CYB561A3: variants seen among roughly 807,000 people sequenced by gnomAD.
CYB561A3 encodes the protein lysosomal membrane ascorbate-dependent ferrireductase CYB561A3.
CYB561A3 carries 16 observed loss-of-function variants against 25.3 expected under a neutral mutation model. The observed-to-expected ratio is 0.63, with a 90% CI of 0.43 to 0.96. The LOEUF is 0.96. CYB561A3 is among the 40% of genes least tolerant of loss of function. CYB561A3 has a pLI of 0.00. For synonymous variants in CYB561A3, 131 were observed against 129.9 expected, an observed-to-expected ratio of 1.01 and a Z score of -0.06; for missense variants, 219 against 307.5, an observed-to-expected ratio of 0.71 and a Z score of 2.15.
rs1442481331 is a variant in CYB561A3, at chr11:61,356,720, C to T, written c.-7G>A. 1.9e-6 allele frequency: 3 copies of T among 1,613,778 alleles called. No homozygotes were observed. Among genetic ancestry groups the T allele is most frequent in the South Asian group, 2.2e-5 (2 of 91,042 alleles). ...AGAACCGTCCAGACACCATTCTGATCACGCACTCCTAGAAGAAGGAGAAGT... is the reference window on the plus strand; with the variant it reads ...AGAACCGTCCAGACACCATTCTGATTACGCACTCCTAGAAGAAGGAGAAGT... On this transcript the variant is annotated 5_prime_UTR_variant, in exon 3 of 7. Coordinates refer to ENST00000294072, the MANE Select transcript of CYB561A3 (RefSeq NM_153611.6).
At chr11:61,357,324 G>T in intron 2 of CYB561A3, 1 of 1,224,132 alleles carries the variant, frequency 8.2e-7, no homozygotes, top group Non-Finnish European at 1.1e-6. Flanking sequence ...TGAACCAGCT[G>T]ATGCCCCTCA....
At chr11:61,361,253 G>C (rs1857865233) in intron 1 of CYB561A3, 1 of 152,152 alleles carries the variant, frequency 6.6e-6, no homozygotes, top group Non-Finnish European at 1.5e-5. Context: ...CAGGAATTCG[G>C]GTCCACTCCC....
intron 3 of CYB561A3, chr11:61,354,802 C>T (rs187362470): frequency 1.3e-5 from 2 of 151,824 alleles, no homozygotes; most frequent in East Asian, 1.9e-4. Context: ...AACACAGGTA[C>T]TAAGGTCAGG....
chr11:61,351,352 C>T (rs528855043), intron 5 of CYB561A3: 13 of 450,822 alleles, frequency 2.9e-5, no homozygotes, highest in Admixed American at 2.4e-4. Flanking sequence ...TGCAGTGGCA[C>T]GATCTCGGCT....
upstream of CYB561A3, chr11:61,362,064 G>C (rs1470429863): frequency 6.6e-6 from 1 of 152,324 alleles, no homozygotes; most frequent in Admixed American, 6.5e-5. Flanking sequence ...CAGGGTCCAG[G>C]ACTGCTGCGA....
chr11:61,352,496 C>T (rs972062906), intron 5 of CYB561A3: 11 of 167,322 alleles, frequency 6.6e-5, no homozygotes, highest in Admixed American at 2.2e-4. Flanking sequence ...CCCGTCCCTA[C>T]TAAAAATTCA....
intron 1 of CYB561A3, chr11:61,360,183 G>C (rs1180286342): frequency 6.6e-6 from 1 of 152,118 alleles, no homozygotes; most frequent in Non-Finnish European, 1.5e-5. Context: ...AGGCTGAAGT[G>C]AGCCGAGATC....
At chr11:61,352,958 T>C (rs752525604) in intron 5 of CYB561A3, 27 bp downstream of exon 5, 24 of 1,614,070 alleles carry the variant, frequency 1.5e-5, no homozygotes, top group Non-Finnish European at 1.5e-5. Context: ...CTCTTCACCT[T>C]AGAGTTGGGG....
chr11:61,351,455 A>G (rs557528811), intron 5 of CYB561A3: 101 of 193,314 alleles, frequency 5.2e-4, no homozygotes, highest in African/African-American at 2.3e-3. Context: ...ACGCCTGGCT[A>G]ATTTTTTGTA....
At chr11:61,350,920 A>C in intron 6 of CYB561A3, 71 bp downstream of exon 6, 1 of 1,528,964 alleles carries the variant, frequency 6.5e-7, no homozygotes, top group South Asian at 1.3e-5. Context: ...TCAAGGCCCC[A>C]GCCTTTCGTG....
In CYB561A3 at chr11:61,351,056, C is replaced by G. The variant is rs1857381553; in HGVS notation, c.640G>C (p.Val214Leu). ...GMLVVAFGLLVLYILLASSWK... is the reference protein window; with the variant it reads ...GMLVVAFGLLLLYILLASSWK... ...GATGAAGCCAGAAGGATGTAGAGCACCAGCAGCCCAAAGGCCACCACCAGC... is the reference window on the plus strand; with the variant it reads ...GATGAAGCCAGAAGGATGTAGAGCAGCAGCAGCCCAAAGGCCACCACCAGC... Residue 214 changes from valine (V) to leucine (L), a missense_variant, in exon 6 of 7, where the codon GTG (valine) becomes CTG (leucine). Coordinates refer to ENST00000294072, the MANE Select transcript of CYB561A3 (RefSeq NM_153611.6). 3 of 1,614,024 alleles carry G rather than the reference C, an allele frequency of 1.9e-6. No individual in the cohort carries two copies. Among genetic ancestry groups the G allele is most frequent in the South Asian group, 1.1e-5 (1 of 91,064 alleles).
rs1296755317 is a variant in CYB561A3, at chr11:61,351,096, G to A, written c.600C>T (p.Ala200=). 6.2e-7 allele frequency: 1 copy of A among 1,613,918 alleles called. No individual in the cohort carries two copies. Among genetic ancestry groups the A allele is most frequent in the Non-Finnish European group, 8.5e-7 (1 of 1,179,942 alleles). Residue 200 remains alanine, a synonymous_variant, in exon 6 of 7, where the codon GCC becomes GCT. Coordinates refer to ENST00000294072, the MANE Select transcript of CYB561A3 (RefSeq NM_153611.6). ...CCACCACCAGCATCCCGGTGCTGTT[G>A]GCAAAGACCGCCTCACTGGGCAGGC... ...YHSLPSEAVF[A]NSTGMLVVAF...
intron 6 of CYB561A3, 89 bp from the exon 7 acceptor site, chr11:61,350,511 A>C: frequency 1.3e-6 from 2 of 1,531,626 alleles, no homozygotes; most frequent in Non-Finnish European, 1.8e-6. Flanking sequence ...CCCAGCCTGC[A>C]GGGTGGTCCC....
chr11:61,356,425 CAT>C, intron 3 of CYB561A3, 103 bp downstream of exon 3: 2 of 887,470 alleles, frequency 2.3e-6, no homozygotes, highest in Non-Finnish European at 3.2e-6. Context: ...ACCCTACCCC[CAT>C]AGCCCCAAGC....
chr11:61,361,512 A>AAATTGGGGTG (rs1034203710), intron 1 of CYB561A3, among the ~76,000 whole-genome samples: 6 of 152,114 alleles, frequency 3.9e-5, no homozygotes, highest in Non-Finnish European at 5.9e-5. Flanking sequence ...CAATGGGTGA[A>AAATTGGGGTG]AATTGGGGTG....
intron 5 of CYB561A3, 113 bp downstream of exon 5, chr11:61,352,872 C>T (rs1857478980): frequency 6.4e-7 from 1 of 1,572,520 alleles, no homozygotes; most frequent in African/African-American, 1.4e-5. Flanking sequence ...CAGGAGTGGA[C>T]CCAACCCCAA....
chr11:61,354,138 T>G, intron 3 of CYB561A3, 146 bp from the exon 4 acceptor site: 1 of 761,256 alleles, frequency 1.3e-6, no homozygotes. Flanking sequence ...CGGCATCTTC[T>G]ACCCTCCCAT....
At position 61,354,011 on chromosome 11, in the gene CYB561A3, C is replaced by T; in HGVS notation, c.185-19G>A. The T allele has an allele frequency of 3.1e-6, 5 of 1,613,402 alleles. No homozygotes were observed. Among genetic ancestry groups the T allele is most frequent in the East Asian group, 2.2e-5 (1 of 44,866 alleles). ...AGTGACGCTGCAGGAGAGAGTAGTG[C>T]CAGGGCTCAGCCTCTCCCCTCGAGC... On this transcript the variant is annotated intron_variant, in intron 3 of 6. Transcript: ENST00000294072.
At chr11:61,352,818 C>G in intron 5 of CYB561A3, 167 bp downstream of exon 5, 1 of 1,452,122 alleles carries the variant, frequency 6.9e-7, no homozygotes, top group African/African-American at 1.4e-5. Context: ...TGCTGACTTA[C>G]CAATTTCAAC....
Sources: gnomAD v4.1 joint callset for allele counts (sites outside exome capture counted in the v4.1 genomes callset) on GRCh38, gnomAD v4.1.1 for gene constraint, MANE v1.5 for transcripts, NCBI Gene and HGNC (gene_info 2026-07-23, HGNC 2026-07-21) for gene names.